The following U2SURP variants were observed in gnomAD, a reference collection of about 807,000 sequenced individuals.
U2SURP encodes the protein U2 snRNP-associated SURP motif-containing protein.
In U2SURP, 9 loss-of-function variants were observed where a neutral mutation model predicts 144.9. That is an observed-to-expected ratio of 0.06 (90% CI 0.04 to 0.11). The LOEUF (loss-of-function observed/expected upper bound fraction) is 0.11. Among genes scored for constraint, U2SURP ranks in the 10% least tolerant of loss-of-function variants. The pLI, the probability that U2SURP is intolerant of heterozygous loss-of-function variation, is 1.00. For missense variants in U2SURP, 724 were observed against 1,226.7 expected, an observed-to-expected ratio of 0.59 and a Z score of 6.12; for synonymous variants, 408 against 396.8, an observed-to-expected ratio of 1.03 and a Z score of -0.33.
chr3:143,045,226 G>A lies in U2SURP; in HGVS notation c.2544+1950G>A, dbSNP rs540034013. Among the ~76,000 whole-genome samples the A allele has an allele frequency of 1.2e-3, 186 of 152,080 alleles. 1 individual carries two copies. Among genetic ancestry groups the A allele is most frequent in the African/African-American group, 4.2e-3 (175 of 41,480 alleles). Reference sequence around the variant, plus strand: ...TCTACTAAAAATACAAAAATTAGCCGGGCATGGTGACGGGCACCTGTAGTC... The same window carrying A: ...TCTACTAAAAATACAAAAATTAGCCAGGCATGGTGACGGGCACCTGTAGTC... On this transcript the variant is annotated intron_variant, in intron 24 of 27. Coordinates refer to ENST00000473835, the MANE Select transcript of U2SURP (RefSeq NM_001080415.2).
At chr3:143,054,750 G>T (rs1185518571) in intron 26 of U2SURP, among the ~76,000 whole-genome samples, 193 bp from the exon 27 acceptor site, 1 of 152,158 alleles carries the variant, frequency 6.6e-6, no homozygotes, top group African/African-American at 2.4e-5. Flanking sequence ...GAATTCAGTT[G>T]TTGTCTCTTG....
intron 24 of U2SURP, among the ~76,000 whole-genome samples, chr3:143,050,314 C>G (rs187936734): frequency 1.4e-3 from 213 of 152,282 alleles, no homozygotes; most frequent in African/African-American, 5.0e-3. Context: ...CTCAGGTGAT[C>G]CGCCCACCTC....
rs1351832140 is a variant in U2SURP at position 143,058,152 on chromosome 3, G to T, written c.*1702G>T. On this transcript the variant is annotated 3_prime_UTR_variant, in exon 28 of 28. Coordinates refer to ENST00000473835, the MANE Select transcript of U2SURP (RefSeq NM_001080415.2). ...AACATGTTTTTCTCCCCTGCTCATT[G>T]CCTGGGAGAATGGAATTTTATATAA... 6.6e-6 allele frequency: 1 copy of T among 152,328 alleles called. No homozygotes were observed. The highest frequency in any genetic ancestry group is 2.4e-5 in the African/African-American group (1 of 41,418). 9.4% of individuals were successfully genotyped at this position (152,328 alleles called of 1,614,324 possible).
At chr3:143,030,895 T>A (rs1165192651) in intron 16 of U2SURP, among the ~76,000 whole-genome samples, 1 of 152,144 alleles carries the variant, frequency 6.6e-6, no homozygotes, top group Non-Finnish European at 1.5e-5. Flanking sequence ...AAAAGAAATT[T>A]AAAAAAATCT....
At chr3:143,020,086 A>G in intron 7 of U2SURP, 50 bp downstream of exon 7, 3 of 1,152,786 alleles carry the variant, frequency 2.6e-6, no homozygotes, top group South Asian at 1.7e-5. Flanking sequence ...TTGAGCTGAT[A>G]CATAAACAGA....
intron 18 of U2SURP, 48 bp from the exon 19 acceptor site, chr3:143,034,840 A>G (rs747090871): frequency 8.7e-6 from 11 of 1,263,182 alleles, no homozygotes; most frequent in African/African-American, 1.5e-5. Flanking sequence ...TAAAAGGGAA[A>G]GGAATTTTAA....
chr3:143,005,822 C>G (rs1578106112), intron 1 of U2SURP, among the ~76,000 whole-genome samples: 1 of 151,846 alleles, frequency 6.6e-6, no homozygotes, highest in East Asian at 1.9e-4. Flanking sequence ...GTTGAAGTAT[C>G]TACCCCTCTA....
Position 143,032,823 on chromosome 3 carries a change from T to C in U2SURP, c.1650T>C (p.Thr550=), listed in dbSNP as rs1407801664. Residue 550 remains threonine (T), a synonymous_variant, in exon 17 of 28, where the codon ACT becomes ACC. Coordinates refer to ENST00000473835, the MANE Select transcript of U2SURP (RefSeq NM_001080415.2). ...DKLEEILRGL[T]PRKNDIGDAM... Reference sequence around the variant, plus strand: ...TGGAAGAAATCTTGCGGGGATTAACTCCAAGGAAAAATGATATTGGAGATG... The same window carrying C: ...TGGAAGAAATCTTGCGGGGATTAACCCCAAGGAAAAATGATATTGGAGATG... 6.2e-7 allele frequency: 1 copy of C among 1,613,406 alleles called. No individual in the cohort carries two copies. The highest frequency in any genetic ancestry group is 8.5e-7 in the Non-Finnish European group (1 of 1,179,644).
intron 1 of U2SURP, among the ~76,000 whole-genome samples, chr3:143,005,670 A>G (rs1451808952): frequency 6.6e-6 from 1 of 152,068 alleles, no homozygotes; most frequent in Non-Finnish European, 1.5e-5. Context: ...TCTGGATTGA[A>G]TTGTTTTCTG....
At chr3:143,053,397 C>T (rs1464236262) in intron 25 of U2SURP, among the ~76,000 whole-genome samples, 2 of 152,118 alleles carry the variant, frequency 1.3e-5, no homozygotes, top group Non-Finnish European at 2.9e-5. Flanking sequence ...TAAATGATTA[C>T]ATGAAATGGT....
chr3:143,035,041 G>T, intron 19 of U2SURP, 66 bp downstream of exon 19: 1 of 720,378 alleles, frequency 1.4e-6, no homozygotes, highest in Non-Finnish European at 2.3e-6. Flanking sequence ...GCATTGAAGG[G>T]CTAGAAAAGT....
chr3:143,038,340 T>G, intron 22 of U2SURP, 137 bp downstream of exon 22: 1 of 636,646 alleles, frequency 1.6e-6, no homozygotes, highest in Non-Finnish European at 2.5e-6. Flanking sequence ...ATTTTGTGTC[T>G]AATGTATGCT....
rs1199454632 is a variant in U2SURP, at chr3:143,014,588, C to T, written c.321+179C>T. Among the ~76,000 whole-genome samples the T allele has an allele frequency of 3.3e-5, 5 of 152,036 alleles. No homozygotes were observed. The East Asian group carries it at 9.6e-4, about 29-fold the overall frequency. ...TAGGAGTTGAGCTTCTATCCTTGTTCCCTCACCCTGTTTCTTTTTTCTTTG... is the reference window on the plus strand; with the variant it reads ...TAGGAGTTGAGCTTCTATCCTTGTTTCCTCACCCTGTTTCTTTTTTCTTTG... On this transcript the variant is annotated intron_variant, in intron 4 of 27. Coordinates refer to ENST00000473835, the MANE Select transcript of U2SURP (RefSeq NM_001080415.2).
rs2108326904 is a variant in U2SURP, at chr3:143,059,806, T to C, written c.*3356T>C. 1 of 152,342 alleles carries C rather than the reference T, an allele frequency of 6.6e-6. No homozygotes were observed. The highest frequency in any genetic ancestry group is 1.5e-5 in the Non-Finnish European group (1 of 67,822). The allele number at this position is 152,342 out of a possible 1,614,324, so 9.4% of individuals were successfully genotyped here. On this transcript the variant is annotated 3_prime_UTR_variant, in exon 28 of 28. Coordinates refer to ENST00000473835, the MANE Select transcript of U2SURP (RefSeq NM_001080415.2). ...GTGCAGATACTAGTGAAGATACTAG[T>C]ATAAGTTTAAAGGAACACGTGACTG...
At chr3:143,015,349 T>A (rs1936316069) in intron 4 of U2SURP, among the ~76,000 whole-genome samples, 1 of 152,136 alleles carries the variant, frequency 6.6e-6, no homozygotes, top group African/African-American at 2.4e-5. Flanking sequence ...GATTGTCTTT[T>A]TATTTTGCTG....
At chr3:143,022,360 C>T (rs1027760787) in intron 10 of U2SURP, 137 bp from the exon 11 acceptor site, 12 of 652,000 alleles carry the variant, frequency 1.8e-5, no homozygotes, top group Non-Finnish European at 2.4e-5. Context: ...ACTTGTGTGG[C>T]GTTCCTGGTA....
Position 143,056,530 on chromosome 3 carries a change from AAAATC to A in U2SURP, c.*85_*89del. ...AACGGTCTGTTTTTTAAAAAAACAA[AAAATC>A]AAATGAAAGAGCATTCCTGGGGTTT... is the stretch of plus-strand genomic sequence containing the variant. On this transcript the variant is annotated 3_prime_UTR_variant, in exon 28 of 28. Transcript: ENST00000473835. 1 of 1,533,242 alleles carries A rather than the reference AAAATC, an allele frequency of 6.5e-7. No individual in the cohort carries two copies. 95.0% of individuals were successfully genotyped at this position (1,533,242 alleles called of 1,614,324 possible).
At chr3:143,006,584 C>T (rs960422128) in intron 1 of U2SURP, among the ~76,000 whole-genome samples, 8 of 152,100 alleles carry the variant, frequency 5.3e-5, no homozygotes, top group Non-Finnish European at 1.0e-4. Context: ...GGAGAAACCC[C>T]ATCTCTGCTG....
intron 14 of U2SURP, 113 bp from the exon 15 acceptor site, chr3:143,028,227 T>C (rs772707963): frequency 2.9e-5 from 36 of 1,250,916 alleles, no homozygotes; most frequent in Middle Eastern, 2.7e-4. Context: ...GATCTTTGTT[T>C]TTGTTTTATT....
Sources: allele counts gnomAD v4.1 joint callset (sites outside exome capture counted in the v4.1 genomes callset), GRCh38; gene constraint gnomAD v4.1.1; transcripts MANE v1.5; gene names NCBI Gene and HGNC (gene_info 2026-07-23, HGNC 2026-07-21).